Variants in PIGV observed in about 807,000 individuals in gnomAD.
The protein encoded by PIGV is GPI alpha-1,6-mannosyltransferase 2.
PIGV carries 27 observed loss-of-function variants against 39.2 expected under a neutral mutation model. That is an observed-to-expected ratio of 0.69 (90% CI 0.51 to 0.95). The LOEUF (loss-of-function observed/expected upper bound fraction) is 0.95, where lower values mean the gene tolerates loss of function less well. PIGV is among the 40% of genes least tolerant of loss of function. The pLI, the probability that PIGV is intolerant of heterozygous loss-of-function variation, is 0.00. For synonymous variants in PIGV, 232 were observed against 241.7 expected (o/e 0.96, Z 0.37); for missense variants, 523 against 586.4 (o/e 0.89, Z 1.12).
chr1:26,789,897 A>C (rs1183222217), intron 1 of PIGV, among the ~76,000 whole-genome samples: 2 of 152,142 alleles, frequency 1.3e-5, no homozygotes, highest in African/African-American at 2.4e-5. Flanking sequence ...CTGGTGTTTG[A>C]AAGTTCTTGA....
At chr1:26,791,745 G>C (rs1378892030) in intron 2 of PIGV, among the ~76,000 whole-genome samples, 1 of 152,176 alleles carries the variant, frequency 6.6e-6, no homozygotes, top group Non-Finnish European at 1.5e-5. Flanking sequence ...TCCACCTGCA[G>C]GCTAGGGCTG....
At position 26,800,135 on chromosome 1, in the gene PIGV, G is replaced by T. The variant is rs867043931; in HGVS notation, c.*2291G>T. 2.0e-5 allele frequency among the ~76,000 whole-genome samples: 3 copies of T among 152,242 alleles called. No individual in the cohort carries two copies. Among genetic ancestry groups the T allele is most frequent in the Middle Eastern group, 3.4e-3 (1 of 294 alleles). On this transcript the variant is annotated 3_prime_UTR_variant, in exon 4 of 4. Coordinates refer to ENST00000674202, the MANE Select transcript of PIGV (RefSeq NM_017837.4). ...AAACCTTGTAACAGGAGCCCAGCTAGGTGGGTGCACCTGGCATGAGCTGGA... is the reference window on the plus strand; with the variant it reads ...AAACCTTGTAACAGGAGCCCAGCTATGTGGGTGCACCTGGCATGAGCTGGA...
chr1:26,794,707 C>T lies in PIGV; in HGVS notation c.673C>T (p.Leu225=), dbSNP rs747001986. The T allele has an allele frequency of 2.5e-6, 4 of 1,614,098 alleles. No individual in the cohort carries two copies. The East Asian group carries it at 8.9e-5, about 36-fold the overall frequency. The change falls in exon 3 of 4, where the codon CTA becomes TTA. Residue 225 remains leucine, a synonymous_variant. Transcript: ENST00000674202. ...TCAATGCCAAGGCTTTTTCTCTTCT[C>T]TAACGATGCTGAATCCTCTGAGACA... ...HSQCQGFFSS[L]TMLNPLRQLF... is the part of the protein sequence containing the mutation.
chr1:26,797,195 A>G (rs1430455194), intron 3 of PIGV, among the ~76,000 whole-genome samples: 1 of 152,218 alleles, frequency 6.6e-6, no homozygotes, highest in Non-Finnish European at 1.5e-5. Context: ...CTGCTTTGCC[A>G]TCCCATGGGA....
rs1057515474 is a variant in PIGV at position 26,794,565 on chromosome 1, A to T, written c.531A>T (p.Thr177=). 11 of 1,614,190 alleles carry T rather than the reference A, an allele frequency of 6.8e-6. No individual in the cohort carries two copies. The highest frequency in any genetic ancestry group is 7.6e-6 in the Non-Finnish European group (9 of 1,180,022). The part of the protein sequence containing the change: ...GYSEALFALL[T]FSAMGQLERG... ...CAGAAGCTTTGTTTGCCCTCCTGACATTCAGTGCCATGGGGCAGCTGGAGA... is the reference window on the plus strand; with the variant it reads ...CAGAAGCTTTGTTTGCCCTCCTGACTTTCAGTGCCATGGGGCAGCTGGAGA... The change falls in exon 3 of 4, where the codon ACA becomes ACT. Residue 177 remains threonine (T), a synonymous_variant. Transcript: ENST00000674202.
rs1167979687 is a variant in PIGV at position 26,790,885 on chromosome 1, A to AT, written c.71dup (p.Met24IlefsTer46). ...AGTCAGCTGCCGTATCCTGACTCTG[A>AT]TGCTGCAGGTCAGTCTCCCATCCTT... On this transcript the variant is annotated frameshift_variant, in exon 2 of 4. Coordinates refer to ENST00000674202, the MANE Select transcript of PIGV (RefSeq NM_017837.4). LOFTEE classifies it high-confidence loss of function. 1 of 1,613,492 alleles carries AT rather than the reference A, an allele frequency of 6.2e-7. No individual in the cohort carries two copies. Among genetic ancestry groups the AT allele is most frequent in the African/African-American group, 1.3e-5 (1 of 74,902 alleles).
intron 2 of PIGV, 85 bp downstream of exon 2, chr1:26,790,978 C>T (rs537536351): frequency 1.4e-4 from 163 of 1,125,022 alleles, no homozygotes; most frequent in Non-Finnish European, 2.1e-4. Context: ...TCCTTTCCAC[C>T]TCTCAGGTGT....
In PIGV at chr1:26,798,642, G is replaced by A. The variant is rs1223763770; in HGVS notation, c.*798G>A. Among the ~76,000 whole-genome samples, 1 of 152,246 alleles carries A rather than the reference G, an allele frequency of 6.6e-6. No homozygotes were observed. Among genetic ancestry groups the A allele is most frequent in the Non-Finnish European group, 1.5e-5 (1 of 68,042 alleles). On this transcript the variant is annotated 3_prime_UTR_variant, in exon 4 of 4. Transcript: ENST00000674202. The stretch of plus-strand genomic sequence containing the variant: ...GAATTGCTTGAACTTGGAAGGCGGA[G>A]GTTTCAGTGAGCTGAGTTTGCGCCA...
At position 26,799,900 on chromosome 1, in the gene PIGV, G is replaced by T. The variant is rs2081431305; in HGVS notation, c.*2056G>T. On this transcript the variant is annotated 3_prime_UTR_variant, in exon 4 of 4. Coordinates refer to ENST00000674202, the MANE Select transcript of PIGV (RefSeq NM_017837.4). ...GCAAATCCAGAGACTTCCACCTTGCGTGCAGGAAGTGTTGGGGTCCTGTTT... is the reference window on the plus strand; with the variant it reads ...GCAAATCCAGAGACTTCCACCTTGCTTGCAGGAAGTGTTGGGGTCCTGTTT... 6.6e-6 allele frequency among the ~76,000 whole-genome samples: 1 copy of T among 152,158 alleles called. No individual in the cohort carries two copies. The highest frequency in any genetic ancestry group is 6.5e-5 in the Admixed American group (1 of 15,272).
At position 26,790,830 on chromosome 1, in the gene PIGV, C is replaced by A. The variant is rs1304154319; in HGVS notation, c.15C>A (p.Asp5Glu). Residue 5 changes from aspartate (D) to glutamate (E), a missense_variant, in exon 2 of 4, where the codon GAC becomes GAA. Physicochemically the swap from Asp to Glu is conservative, Grantham distance 45. Transcript: ENST00000674202. Reference protein sequence around the residue: MWPQDPSRKEVLRFA... With the variant: MWPQEPSRKEVLRFA... ...GTGGTGAAAGGATGTGGCCCCAGGA[C>A]CCATCCCGGAAGGAGGTGCTGAGGT... The A allele has an allele frequency of 6.2e-7, 1 of 1,613,900 alleles. No individual in the cohort carries two copies. The highest frequency in any genetic ancestry group is 8.5e-7 in the Non-Finnish European group (1 of 1,179,908).
chr1:26,798,040 A>G lies in PIGV; in HGVS notation c.*196A>G, dbSNP rs2081409679. 11 of 604,078 alleles carry G rather than the reference A, an allele frequency of 1.8e-5. No homozygotes were observed. The highest frequency in any genetic ancestry group is 2.9e-5 in the Non-Finnish European group (10 of 340,234). 37.4% of individuals were successfully genotyped at this position (604,078 alleles called of 1,614,324 possible). A position where few individuals can be genotyped will look rare whatever the true frequency, so the allele number is the denominator to read the frequency against. ...GCCCCTTCTGGTCCTGGCTAGGGCAAATTTTAGACAACTATTTTCTCTGTA... is the reference window on the plus strand; with the variant it reads ...GCCCCTTCTGGTCCTGGCTAGGGCAGATTTTAGACAACTATTTTCTCTGTA... On this transcript the variant is annotated 3_prime_UTR_variant, in exon 4 of 4. Coordinates refer to ENST00000674202, the MANE Select transcript of PIGV (RefSeq NM_017837.4).
At position 26,795,194 on chromosome 1, in the gene PIGV, C is replaced by T. The variant is rs1396350236; in HGVS notation, c.1160C>T (p.Ala387Val). 4 of 1,613,816 alleles carry T rather than the reference C, an allele frequency of 2.5e-6. No homozygotes were observed. Among genetic ancestry groups the T allele is most frequent in the East Asian group, 2.2e-5 (1 of 44,882 alleles). ...PQVFVYVVHAAVLLLFGGLCM... is the reference protein window; with the variant it reads ...PQVFVYVVHAVVLLLFGGLCM... ...GTGTTTGTGTACGTGGTCCACGCTGCAGTGCTGCTGCTGTTTGGAGGTCTG... is the reference window on the plus strand; with the variant it reads ...GTGTTTGTGTACGTGGTCCACGCTGTAGTGCTGCTGCTGTTTGGAGGTCTG... The change falls in exon 3 of 4, where the codon GCA becomes GTA. Residue 387 changes from alanine to valine, a missense_variant. Transcript: ENST00000674202.
chr1:26,795,096 T>C lies in PIGV; in HGVS notation c.1062T>C (p.Leu354=). ...TGACCACTCACCCTTGGCTCTGCCT[T>C]ACACTTGGGCTGCAAAGGAGCAAGA... The part of the protein sequence containing the change: ...TYVTTHPWLC[L]TLGLQRSKNN... Residue 354 remains leucine (L), a synonymous_variant, in exon 3 of 4, where the codon CTT becomes CTC. Transcript: ENST00000674202. 1.2e-6 allele frequency: 2 copies of C among 1,614,182 alleles called. No individual in the cohort carries two copies. Among genetic ancestry groups the C allele is most frequent in the Non-Finnish European group, 1.7e-6 (2 of 1,180,024 alleles).
chr1:26,789,818 G>A lies in PIGV; in HGVS notation c.-57-941G>A, dbSNP rs1169946386. On this transcript the variant is annotated intron_variant, in intron 1 of 3. Coordinates refer to ENST00000674202, the MANE Select transcript of PIGV (RefSeq NM_017837.4). The stretch of plus-strand genomic sequence containing the variant: ...AGTTCAAATTTTTTTTTTCCTTTTA[G>A]GCATAGTTCTTCATCCCAAATTGAT... Among the ~76,000 whole-genome samples the A allele has an allele frequency of 2.6e-5, 4 of 151,732 alleles. No individual in the cohort carries two copies. In the East Asian group the frequency reaches 7.7e-4, roughly 29 times the overall value.
Position 26,793,972 on chromosome 1 carries a change from T to A in PIGV, c.79-141T>A, listed in dbSNP as rs577723055. On this transcript the variant is annotated intron_variant, in intron 2 of 3. Coordinates refer to ENST00000674202, the MANE Select transcript of PIGV (RefSeq NM_017837.4). ...GTTGCCCAGGCTGGTCATGGACTCC[T>A]GGGTTCAAGTAATCCTCCCATCTCA... 30 of 780,044 alleles carry A rather than the reference T, an allele frequency of 3.8e-5. No homozygotes were observed. The East Asian group carries it at 7.6e-4, about 20-fold the overall frequency. 48.3% of individuals were successfully genotyped at this position (780,044 alleles called of 1,614,324 possible).
chr1:26,788,291 C>G (rs1169343560), intron 1 of PIGV, 23 bp downstream of exon 1: 2 of 152,374 alleles, frequency 1.3e-5, no homozygotes, highest in Non-Finnish European at 2.9e-5. Flanking sequence ...GATTAGTACC[C>G]AGAAGGGACT....
intron 1 of PIGV, among the ~76,000 whole-genome samples, 155 bp from the exon 2 acceptor site, chr1:26,790,604 A>C (rs1313202505): frequency 1.3e-5 from 2 of 152,180 alleles, no homozygotes; most frequent in Non-Finnish European, 2.9e-5. Context: ...CACCTACTGA[A>C]CCCATTTGCT....
chr1:26,793,402 G>C (rs1195761805), intron 2 of PIGV, among the ~76,000 whole-genome samples: 3 of 152,154 alleles, frequency 2.0e-5, no homozygotes, highest in Non-Finnish European at 4.4e-5. Flanking sequence ...GTTAAATCCA[G>C]TGGTCAGTTT....
In PIGV at chr1:26,793,279, ACTC is replaced by A. The variant is rs1325988416; in HGVS notation, c.79-830_79-828del. On this transcript the variant is annotated intron_variant, in intron 2 of 3. Transcript: ENST00000674202. ...TTTTTCTGCTTCCCCTTATGGCAAA[ACTC>A]CTCAAAGTTTCTTTTCTCCCATTCT... is the stretch of plus-strand genomic sequence containing the variant. Among the ~76,000 whole-genome samples the A allele has an allele frequency of 2.0e-5, 3 of 151,674 alleles. No homozygotes were observed. In the East Asian group the frequency reaches 5.8e-4, roughly 29 times the overall value.
Sources: allele counts gnomAD v4.1 joint callset (sites outside exome capture counted in the v4.1 genomes callset), GRCh38; gene constraint gnomAD v4.1.1; transcripts MANE v1.5; gene names NCBI Gene and HGNC (gene_info 2026-07-23, HGNC 2026-07-21).